The following RBFOX1 variants were observed in gnomAD, a reference collection of about 807,000 sequenced individuals.
The protein encoded by RBFOX1 is RNA binding protein fox-1 homolog 1.
Under a neutral mutation model 57.7 loss-of-function variants are expected in RBFOX1, and 8 were observed. That is an observed-to-expected ratio of 0.14 (90% CI 0.08 to 0.25). The LOEUF is 0.25. Among genes scored for constraint, RBFOX1 ranks in the 10% least tolerant of loss-of-function variants. The probability of loss-of-function intolerance (pLI) is 1.00; values close to 1 mark genes in which losing one functional copy is unlikely to be tolerated. For synonymous variants in RBFOX1, 326 were observed against 222.4 expected, an observed-to-expected ratio of 1.47 and a Z score of -4.15; for missense variants, 611 against 548.5, an observed-to-expected ratio of 1.11 and a Z score of -1.14.
chr16:6,797,889 C>G (rs1022689436), intron 3 of RBFOX1, among the ~76,000 whole-genome samples: 9 of 152,172 alleles, frequency 5.9e-5, no homozygotes, highest in Admixed American at 4.6e-4. Context: ...AGCTAGCTGA[C>G]TTTTGGAAAG....
chr16:6,502,888 C>A (rs921207558), intron 2 of RBFOX1, among the ~76,000 whole-genome samples: 1 of 152,098 alleles, frequency 6.6e-6, no homozygotes, highest in Admixed American at 6.5e-5. Context: ...ATAGCAATGC[C>A]ATGTTACAAC....
chr16:5,328,142 T>A (rs557313111), intron 1 of RBFOX1, among the ~76,000 whole-genome samples: 5 of 152,160 alleles, frequency 3.3e-5, no homozygotes, highest in Non-Finnish European at 7.4e-5. Flanking sequence ...ATTGTGTCCC[T>A]GCAAATTCAT....
intron 4 of RBFOX1, among the ~76,000 whole-genome samples, chr16:7,164,084 T>A (rs1433224051): frequency 6.6e-6 from 1 of 152,180 alleles, no homozygotes. Flanking sequence ...GTGTACACTG[T>A]ACCCAGTGTG....
chr16:7,018,443 G>C lies in RBFOX1; in HGVS notation c.-15-33614G>C, dbSNP rs143923177. Among the ~76,000 whole-genome samples, 15 of 152,244 alleles carry C rather than the reference G, an allele frequency of 9.9e-5. 1 individual carries two copies. In the East Asian group the frequency reaches 2.9e-3, roughly 29 times the overall value. On this transcript the variant is annotated intron_variant, in intron 3 of 15. Coordinates refer to ENST00000550418, the MANE Select transcript of RBFOX1 (RefSeq NM_018723.4). Reference sequence around the variant, plus strand: ...CATGAATATTGTCTTAATTGCTCCTGTTTTTGAAATACAACGTCTAATCCA... The same window carrying C: ...CATGAATATTGTCTTAATTGCTCCTCTTTTTGAAATACAACGTCTAATCCA...
intron 4 of RBFOX1, among the ~76,000 whole-genome samples, chr16:7,420,997 C>T (rs2098537677): frequency 6.6e-6 from 1 of 151,002 alleles, no homozygotes; most frequent in Non-Finnish European, 1.5e-5. Flanking sequence ...TTTCCTGAGG[C>T]TGTACAGACG....
At chr16:5,938,666 A>AT (rs774341711) in intron 4 of RBFOX1, among the ~76,000 whole-genome samples, 2 of 151,918 alleles carry the variant, frequency 1.3e-5, no homozygotes, top group Non-Finnish European at 2.9e-5. Context: ...ACCTGGGGTC[A>AT]TTTTTTCTTT....
intron 4 of RBFOX1, among the ~76,000 whole-genome samples, chr16:7,390,622 T>C (rs909144798): frequency 6.6e-6 from 1 of 152,188 alleles, no homozygotes; most frequent in East Asian, 1.9e-4. Flanking sequence ...TGAGCATAGA[T>C]CATTTTCGGA....
chr16:5,545,722 A>G (rs1459497497), intron 2 of RBFOX1, among the ~76,000 whole-genome samples: 2 of 152,160 alleles, frequency 1.3e-5, no homozygotes, highest in African/African-American at 2.4e-5. Context: ...ATGTCTATGA[A>G]AAATCTCTTT....
chr16:7,467,878 G>C (rs535392577), intron 4 of RBFOX1, among the ~76,000 whole-genome samples: 38 of 152,290 alleles, frequency 2.5e-4, no homozygotes, highest in African/African-American at 8.4e-4. Flanking sequence ...AGCCTGATCT[G>C]ATTCAGCCCA....
chr16:7,408,354 A>T (rs375168135), intron 4 of RBFOX1, among the ~76,000 whole-genome samples: 1 of 152,334 alleles, frequency 6.6e-6, no homozygotes. Context: ...ATTCATTTTG[A>T]AATTTTAAAA....
At chr16:5,520,642 C>G (rs1475747569) in intron 2 of RBFOX1, among the ~76,000 whole-genome samples, 2 of 152,204 alleles carry the variant, frequency 1.3e-5, no homozygotes, top group African/African-American at 4.8e-5. Context: ...TTCTTGATCA[C>G]ATCTATTTGC....
intron 3 of RBFOX1, among the ~76,000 whole-genome samples, chr16:6,784,449 TTC>T (rs1603623274): frequency 6.6e-6 from 1 of 152,256 alleles, no homozygotes; most frequent in African/African-American, 2.4e-5. Flanking sequence ...GCTCTGCAAT[TTC>T]TGTTTGATTT....
At chr16:7,326,302 G>A (rs1219653625) in intron 4 of RBFOX1, among the ~76,000 whole-genome samples, 1 of 152,168 alleles carries the variant, frequency 6.6e-6, no homozygotes, top group Non-Finnish European at 1.5e-5. Context: ...CAGAATCTCA[G>A]CCCCATAGAT....
chr16:5,603,178 G>A (rs747978322), downstream of RBFOX1, among the ~76,000 whole-genome samples: 15 of 152,186 alleles, frequency 9.9e-5, no homozygotes, highest in Non-Finnish European at 1.8e-4. Flanking sequence ...CCTGGATGCA[G>A]AAAGTATATT....
rs780986905 is a variant in RBFOX1 at position 5,801,143 on chromosome 16, A to G, written c.319-66160A>G. 2.8e-4 allele frequency among the ~76,000 whole-genome samples: 43 copies of G among 152,298 alleles called. 2 individuals carry two copies. Among genetic ancestry groups the G allele is most frequent in the Admixed American group, 2.4e-3 (36 of 15,292 alleles). On this transcript the variant is annotated intron_variant, in intron 3 of 19. Coordinates refer to the RBFOX1 transcript ENST00000641259. Reference sequence around the variant, plus strand: ...GTTCCTGGGCGCATGTGTGACAGAAATGCAGTGGGCCATTTTAATTAGATC... The same window carrying G: ...GTTCCTGGGCGCATGTGTGACAGAAGTGCAGTGGGCCATTTTAATTAGATC...
chr16:7,202,613 C>A (rs994029527), intron 4 of RBFOX1, among the ~76,000 whole-genome samples: 1 of 152,332 alleles, frequency 6.6e-6, no homozygotes, highest in African/African-American at 2.4e-5. Context: ...ACAGCCACTC[C>A]TCATTGCTTG....
At chr16:5,272,218 C>G (rs936188141) in intron 1 of RBFOX1, among the ~76,000 whole-genome samples, 1 of 152,170 alleles carries the variant, frequency 6.6e-6, no homozygotes, top group East Asian at 1.9e-4. Flanking sequence ...GGGTACATTT[C>G]AAATGTCTCA....
intron 4 of RBFOX1, among the ~76,000 whole-genome samples, chr16:7,082,949 C>T (rs2059425263): frequency 6.6e-6 from 1 of 152,138 alleles, no homozygotes; most frequent in African/African-American, 2.4e-5. Flanking sequence ...GTGAAAGCAG[C>T]TCTGGACCTA....
chr16:7,494,762 C>T (rs548514345), intron 4 of RBFOX1, among the ~76,000 whole-genome samples: 55 of 150,890 alleles, frequency 3.6e-4, no homozygotes, highest in African/African-American at 1.2e-3. Flanking sequence ...GCTTTCATTC[C>T]GAAACTCAGC....
Sources: allele counts gnomAD v4.1 joint callset (sites outside exome capture counted in the v4.1 genomes callset), GRCh38; gene constraint gnomAD v4.1.1; transcripts MANE v1.5; gene names NCBI Gene and HGNC (gene_info 2026-07-23, HGNC 2026-07-21).